Variants in NPAS3 observed in about 807,000 individuals in gnomAD.
NPAS3 encodes the protein neuronal PAS domain-containing protein 3.
NPAS3 carries 14 observed loss-of-function variants against 73.1 expected under a neutral mutation model. The ratio of observed to expected loss-of-function variants is 0.19; its 90% CI spans 0.13 to 0.30. The LOEUF (loss-of-function observed/expected upper bound fraction) is 0.30, where lower values mean the gene tolerates loss of function less well. NPAS3 is among the 10% of genes least tolerant of loss of function. The pLI, the probability that NPAS3 is intolerant of heterozygous loss-of-function variation, is 1.00. For missense variants in NPAS3, 1,096 were observed against 1,250.0 expected, an observed-to-expected ratio of 0.88 and a Z score of 1.86; for synonymous variants, 620 against 541.5, an observed-to-expected ratio of 1.14 and a Z score of -2.01.
intron 3 of NPAS3, among the ~76,000 whole-genome samples, chr14:33,290,288 T>C (rs1055786673): frequency 6.6e-6 from 1 of 152,092 alleles, no homozygotes; most frequent in Non-Finnish European, 1.5e-5. Context: ...ATTCCAGGAT[T>C]GTATTTTATT....
At chr14:33,241,505 C>T (rs758712898) in intron 3 of NPAS3, among the ~76,000 whole-genome samples, 31 of 151,848 alleles carry the variant, frequency 2.0e-4, no homozygotes, top group East Asian at 3.9e-4. Flanking sequence ...GGTTCTGTGA[C>T]GGAATGAAAT....
At chr14:33,670,793 GGAATGACCTTT>G (rs1223369201) in intron 5 of NPAS3, among the ~76,000 whole-genome samples, 1 of 151,924 alleles carries the variant, frequency 6.6e-6, no homozygotes, top group Non-Finnish European at 1.5e-5. Context: ...TCCTCCCTCA[GGAATGACCTTT>G]GAATGACCTT....
intron 4 of NPAS3, among the ~76,000 whole-genome samples, chr14:33,543,856 C>T (rs766683267): frequency 5.3e-5 from 8 of 151,326 alleles, no homozygotes; most frequent in Non-Finnish European, 8.9e-5. Flanking sequence ...GGGTCCAAGT[C>T]AATTGCACTA....
chr14:33,741,987 C>T (rs540084503), intron 7 of NPAS3, among the ~76,000 whole-genome samples: 1 of 152,126 alleles, frequency 6.6e-6, no homozygotes, highest in South Asian at 2.1e-4. Context: ...AAGTAACAAA[C>T]TTTCCTATAT....
chr14:33,636,990 C>T (rs1232197589), intron 5 of NPAS3, among the ~76,000 whole-genome samples: 3 of 151,958 alleles, frequency 2.0e-5, no homozygotes, highest in Non-Finnish European at 4.4e-5. Flanking sequence ...AGAAATGTTA[C>T]ATCTATCTTT....
intron 5 of NPAS3, among the ~76,000 whole-genome samples, chr14:33,589,909 A>G (rs1235449050): frequency 1.3e-5 from 2 of 152,248 alleles, no homozygotes; most frequent in East Asian, 1.9e-4. Context: ...AGCAAGGAGC[A>G]CTTTTCATTA....
chr14:33,704,250 A>G (rs1160472492), intron 6 of NPAS3, among the ~76,000 whole-genome samples: 1 of 152,212 alleles, frequency 6.6e-6, no homozygotes, highest in Non-Finnish European at 1.5e-5. Context: ...GTGTACATAT[A>G]AATTATAATG....
chr14:33,756,930 A>G (rs2062133349), intron 7 of NPAS3, among the ~76,000 whole-genome samples: 1 of 152,350 alleles, frequency 6.6e-6, no homozygotes, highest in Non-Finnish European at 1.5e-5. Flanking sequence ...GCACTGGGCT[A>G]AAGTATCCAA....
At position 33,284,328 on chromosome 14, in the gene NPAS3, A is replaced by AT. The variant is rs199702551; in HGVS notation, c.385+68913dup. ...TGTTTCTTCATAGAAACAGTGCTCT[A>AT]TTTTTTTTTTTAAAGATTCTTAACT... On this transcript the variant is annotated intron_variant, in intron 3 of 11. Coordinates refer to ENST00000356141, the Ensembl canonical transcript of NPAS3. Among the ~76,000 whole-genome samples the AT allele has an allele frequency of 2.5e-3, 370 of 147,964 alleles. 1 individual carries two copies. Among genetic ancestry groups the AT allele is most frequent in the African/African-American group, 7.4e-3 (302 of 40,806 alleles).
At chr14:33,535,433 T>C (rs1439386735) in intron 4 of NPAS3, among the ~76,000 whole-genome samples, 1 of 152,194 alleles carries the variant, frequency 6.6e-6, no homozygotes, top group Non-Finnish European at 1.5e-5. Flanking sequence ...GAGTAACTTC[T>C]ACAACAGTCT....
At chr14:33,335,852 A>T (rs1579698) in intron 3 of NPAS3, among the ~76,000 whole-genome samples, 7,852 of 152,186 alleles carry the variant, frequency 0.052, 522 homozygotes, top group East Asian at 0.22. Context: ...GTTGTTGGAC[A>T]TTTGGATTGT....
chr14:33,209,227 A>G (rs1299406423), intron 2 of NPAS3, among the ~76,000 whole-genome samples: 3 of 152,290 alleles, frequency 2.0e-5, no homozygotes, highest in Non-Finnish European at 4.4e-5. Flanking sequence ...GCATTTCTCA[A>G]TTATGTTACC....
chr14:33,288,362 A>G (rs549238640), intron 3 of NPAS3, among the ~76,000 whole-genome samples: 23 of 152,196 alleles, frequency 1.5e-4, no homozygotes, highest in African/African-American at 5.5e-4. Context: ...TTCATATTTC[A>G]TAGTCTCACA....
intron 3 of NPAS3, among the ~76,000 whole-genome samples, chr14:33,318,215 C>T (rs114088740): frequency 0.029 from 4,395 of 152,120 alleles, 181 homozygotes; most frequent in African/African-American, 0.091. Flanking sequence ...ACTTTGAGGA[C>T]ATTATGCTAA....
chr14:33,584,401 T>A (rs1211878095), intron 5 of NPAS3, among the ~76,000 whole-genome samples: 11 of 84,320 alleles, frequency 1.3e-4, no homozygotes, highest in South Asian at 2.9e-4. Flanking sequence ...GATGTTTATT[T>A]AAAAAAAAAA....
chr14:33,738,029 G>A (rs1255360105), intron 7 of NPAS3, among the ~76,000 whole-genome samples: 2 of 152,108 alleles, frequency 1.3e-5, no homozygotes, highest in African/African-American at 4.8e-5. Context: ...ATCTGTTGTT[G>A]TCGTCATAGG....
At chr14:33,371,805 A>G (rs544212959) in intron 4 of NPAS3, among the ~76,000 whole-genome samples, 1 of 152,304 alleles carries the variant, frequency 6.6e-6, no homozygotes, top group South Asian at 2.1e-4. Flanking sequence ...ACTGTGTACT[A>G]AGTTTCAGAT....
At chr14:33,286,614 G>A (rs1273796323) in intron 3 of NPAS3, among the ~76,000 whole-genome samples, 1 of 151,806 alleles carries the variant, frequency 6.6e-6, no homozygotes, top group Non-Finnish European at 1.5e-5. Flanking sequence ...CTCTAGTGTT[G>A]TTTCTTGCTA....
chr14:33,290,515 T>C (rs1199224311), intron 3 of NPAS3, among the ~76,000 whole-genome samples: 1 of 152,224 alleles, frequency 6.6e-6, no homozygotes, highest in African/African-American at 2.4e-5. Context: ...GGACATGTGC[T>C]TAATGCCAGC....
Sources: allele counts gnomAD v4.1 joint callset (sites outside exome capture counted in the v4.1 genomes callset), GRCh38; gene constraint gnomAD v4.1.1; transcripts MANE v1.5; gene names NCBI Gene and HGNC (gene_info 2026-07-23, HGNC 2026-07-21).